The following NXPE4 variants were observed in gnomAD, a reference collection of about 807,000 sequenced individuals.
NXPE4 encodes the protein neurexophilin and PC-esterase domain family member 4.
Under a neutral mutation model 33.3 loss-of-function variants are expected in NXPE4, and 42 were observed. That is an observed-to-expected ratio of 1.26 (90% CI 0.98 to 1.63). NXPE4 has a LOEUF of 1.63. Among genes scored for constraint, NXPE4 ranks in the 40% most tolerant of loss-of-function variants. The pLI is 0.00. For synonymous variants in NXPE4, 253 were observed against 234.9 expected (o/e 1.08, Z -0.71); for missense variants, 709 against 647.6 (o/e 1.09, Z -1.03).
chr11:114,604,932 C>G, the NXPE4 span, among the ~76,000 whole-genome samples: 1 of 151,932 alleles, frequency 6.6e-6, no homozygotes, highest in Non-Finnish European at 1.5e-5. Flanking sequence ...TCTAGGGTAC[C>G]CACTGTTACC....
the NXPE4 span, among the ~76,000 whole-genome samples, chr11:114,639,747 A>C: frequency 7.7e-6 from 1 of 130,346 alleles, no homozygotes; most frequent in African/African-American, 2.9e-5. Flanking sequence ...AATAATATAT[A>C]ATATATATTA....
chr11:114,626,624 T>A, the NXPE4 span, among the ~76,000 whole-genome samples: 1 of 152,208 alleles, frequency 6.6e-6, no homozygotes, highest in Middle Eastern at 3.4e-3. Flanking sequence ...CCTCTCCTCC[T>A]CCAAAGGAAC....
chr11:114,639,810 T>C, the NXPE4 span, among the ~76,000 whole-genome samples: 1 of 77,950 alleles, frequency 1.3e-5, no homozygotes, highest in Non-Finnish European at 2.4e-5. Flanking sequence ...AAATATAAAA[T>C]AATATAAAAT....
chr11:114,578,631 A>G (rs2135209223), intron 5 of NXPE4, among the ~76,000 whole-genome samples: 1 of 152,288 alleles, frequency 6.6e-6, no homozygotes, highest in Admixed American at 6.5e-5. Flanking sequence ...TGAGATCATG[A>G]GTGGCCTCAT....
At chr11:114,656,383 C>A in the NXPE4 span, among the ~76,000 whole-genome samples, 235 of 152,196 alleles carry the variant, frequency 1.5e-3, 1 homozygote, top group African/African-American at 5.3e-3. Flanking sequence ...CAGTGCTATT[C>A]CCATCAAACT....
the NXPE4 span, among the ~76,000 whole-genome samples, chr11:114,658,933 G>A: frequency 6.6e-6 from 1 of 152,140 alleles, no homozygotes; most frequent in East Asian, 1.9e-4. Context: ...GAAGGGACAA[G>A]GGCATGAAGA....
the NXPE4 span, among the ~76,000 whole-genome samples, chr11:114,628,956 C>T: frequency 6.6e-6 from 1 of 152,036 alleles, no homozygotes; most frequent in African/African-American, 2.4e-5. Context: ...CATACACCCT[C>T]CCAAGACTAA....
chr11:114,580,489 C>G, intron 4 of NXPE4, 151 bp from the exon 5 acceptor site: 1 of 638,902 alleles, frequency 1.6e-6, no homozygotes, highest in Non-Finnish European at 2.7e-6. Flanking sequence ...CTTAATGGAA[C>G]AGCTGTTTTT....
At chr11:114,625,877 C>G in the NXPE4 span, among the ~76,000 whole-genome samples, 2 of 152,246 alleles carry the variant, frequency 1.3e-5, no homozygotes, top group Admixed American at 6.5e-5. Context: ...CGCAAGGGGT[C>G]AGGGAGTTCC....
the NXPE4 span, among the ~76,000 whole-genome samples, chr11:114,604,137 C>T: frequency 2.0e-5 from 3 of 152,154 alleles, no homozygotes; most frequent in South Asian, 2.1e-4. Flanking sequence ...TAGGTAACTA[C>T]TGATACCTGC....
At chr11:114,636,849 C>G in the NXPE4 span, among the ~76,000 whole-genome samples, 2 of 152,006 alleles carry the variant, frequency 1.3e-5, no homozygotes, top group Admixed American at 6.6e-5. Flanking sequence ...AATTTCTGTT[C>G]TTTTACATTT....
the NXPE4 span, among the ~76,000 whole-genome samples, chr11:114,637,016 G>C: frequency 1.4e-4 from 21 of 146,596 alleles, no homozygotes; most frequent in Non-Finnish European, 2.8e-4. Context: ...CCTGGGTATC[G>C]TTGTTGACTT....
upstream of NXPE4, among the ~76,000 whole-genome samples, chr11:114,598,269 G>A (rs1475518703): frequency 3.8e-5 from 1 of 26,554 alleles, no homozygotes; most frequent in African/African-American, 1.8e-4. Context: ...CAAGGACCTG[G>A]GCAGCTCTGC....
chr11:114,635,180 G>A, the NXPE4 span, among the ~76,000 whole-genome samples: 355 of 149,816 alleles, frequency 2.4e-3, 1 homozygote, highest in African/African-American at 7.8e-3. Flanking sequence ...GTTCCTTCAC[G>A]TCCCTTGTAA....
intron 3 of NXPE4, 98 bp downstream of exon 3, chr11:114,582,190 A>G: frequency 7.6e-7 from 1 of 1,313,848 alleles, no homozygotes. Context: ...TACTAAAGAC[A>G]CCCAAAATTA....
In NXPE4 at chr11:114,585,613, A is replaced by G. The variant is rs548105290; in HGVS notation, c.97-2592T>C. ...TATGTACGTGTGTGTGTGTGTGTAT[A>G]TATATGTATATACATTCAACATTTA... is the stretch of plus-strand genomic sequence containing the variant. On this transcript the variant is annotated intron_variant, in intron 2 of 5. Transcript: ENST00000375478. Among the ~76,000 whole-genome samples the G allele has an allele frequency of 1.3e-3, 203 of 152,128 alleles. 1 individual carries two copies. Among genetic ancestry groups the G allele is most frequent in the African/African-American group, 3.9e-3 (161 of 41,464 alleles).
Position 114,582,633 on chromosome 11 carries a change from G to T in NXPE4, c.485C>A (p.Thr162Asn). 6.2e-7 allele frequency: 1 copy of T among 1,614,164 alleles called. No individual in the cohort carries two copies. The highest frequency in any genetic ancestry group is 1.7e-5 in the Admixed American group (1 of 60,030). The part of the protein sequence containing the change: ...SGKVTDFNNG[T>N]YLVSFTLFWE... ...GAACAGAGTGAAGCTGACCAGGTAG[G>T]TGCCGTTGTTGAAGTCAGTCACCTT... is the stretch of plus-strand genomic sequence containing the variant. Residue 162 changes from threonine to asparagine, a missense_variant, in exon 3 of 6, where the codon ACC (threonine) becomes AAC (asparagine). Coordinates refer to ENST00000375478, the MANE Select transcript of NXPE4 (RefSeq NM_001077639.2).
chr11:114,634,796 G>T, the NXPE4 span, among the ~76,000 whole-genome samples: 219 of 152,046 alleles, frequency 1.4e-3, 2 homozygotes, highest in African/African-American at 5.1e-3. Context: ...TTATTTCTGA[G>T]GGCTCTGTTC....
the NXPE4 span, among the ~76,000 whole-genome samples, chr11:114,663,607 A>G: frequency 3.3e-4 from 32 of 98,166 alleles, no homozygotes; most frequent in Non-Finnish European, 5.5e-4. Context: ...CTATCTATCT[A>G]TCTATCTATC....
Sources: allele counts gnomAD v4.1 joint callset (sites outside exome capture counted in the v4.1 genomes callset), GRCh38; gene constraint gnomAD v4.1.1; transcripts MANE v1.5; gene names NCBI Gene and HGNC (gene_info 2026-07-23, HGNC 2026-07-21).